BAHCC1: variants seen among roughly 807,000 people sequenced by gnomAD.
The protein encoded by BAHCC1 is BAH and coiled-coil domain-containing protein 1.
Under a neutral mutation model 88.2 loss-of-function variants are expected in BAHCC1, and 43 were observed. The ratio of observed to expected loss-of-function variants is 0.49; its 90% CI spans 0.38 to 0.63. The LOEUF (loss-of-function observed/expected upper bound fraction) is 0.63. Ranked by LOEUF, BAHCC1 falls within the 20% of genes least tolerant of loss-of-function variation. The pLI, the probability that BAHCC1 is intolerant of heterozygous loss-of-function variation, is 0.00. For missense variants in BAHCC1, 3,023 were observed against 1,654.8 expected (o/e 1.83, Z -14.34); for synonymous variants, 1,510 against 745.5 (o/e 2.03, Z -16.71).
In BAHCC1 at chr17:81,445,519, C is replaced by A; in HGVS notation, c.3001C>A (p.Pro1001Thr). The part of the protein sequence containing the change: ...PPCCHPPDPK[P>T]PASSPTPPPR... Reference sequence around the variant, plus strand: ...TTGCTGCCATCCGCCCGACCCAAAGCCCCCCGCCAGCTCCCCCACCCCACC... The same window carrying A: ...TTGCTGCCATCCGCCCGACCCAAAGACCCCCGCCAGCTCCCCCACCCCACC... The change falls in exon 10 of 28, where the codon CCC becomes ACC. Residue 1001 changes from proline (P) to threonine (T), a missense_variant. Coordinates refer to ENST00000675386, the MANE Select transcript of BAHCC1 (RefSeq NM_001377448.1). The A allele has an allele frequency of 1.4e-6, 1 of 733,902 alleles. No individual in the cohort carries two copies. 45.5% of individuals were successfully genotyped at this position (733,902 alleles called of 1,614,324 possible). A position where few individuals can be genotyped will look rare whatever the true frequency, so the allele number is the denominator to read the frequency against.
chr17:81,399,155 G>C lies in BAHCC1; in HGVS notation c.-206-379G>C. On this transcript the variant is annotated intron_variant, in intron 1 of 27. Transcript: ENST00000675386. This position sits in a 1 kb window ranked among gnomAD's most constrained non-coding sequence, Gnocchi z 4.5. Reference sequence around the variant, plus strand: ...TGTGTGTGTGTGTGTGTGTGTGTGCGAGTGTGCGTGATGGCTTCGCAGATT... The same window carrying C: ...TGTGTGTGTGTGTGTGTGTGTGTGCCAGTGTGCGTGATGGCTTCGCAGATT... 1 of 399,246 alleles carries C rather than the reference G, an allele frequency of 2.5e-6. No individual in the cohort carries two copies. The highest frequency in any genetic ancestry group is 1.7e-5 in the South Asian group (1 of 59,314). The allele number at this position is 399,246 out of a possible 1,614,324, so 24.7% of individuals were successfully genotyped here.
intron 3 of BAHCC1, among the ~76,000 whole-genome samples, chr17:81,428,457 A>G (rs1427111072): frequency 5.3e-5 from 8 of 152,180 alleles, no homozygotes; most frequent in African/African-American, 1.9e-4. Context: ...CCACAGGTGC[A>G]CAGATCCACC....
chr17:81,460,241 G>A (rs781845341), intron 23 of BAHCC1, 36 bp from the exon 24 acceptor site: 2 of 733,830 alleles, frequency 2.7e-6, no homozygotes, highest in South Asian at 1.5e-5. Context: ...CGCCTACTGG[G>A]GGTTCCAGCT....
intron 3 of BAHCC1, among the ~76,000 whole-genome samples, chr17:81,432,586 TCCAGCCCTGGACCCAACCTCCGTCC>T (rs1472673596): frequency 5.9e-5 from 1 of 17,000 alleles, no homozygotes; most frequent in Non-Finnish European, 1.1e-4. Context: ...CACCCTCCCC[TCCAGCCCTGGACCCAACCTCCGTCC>T]CCAGCCCTGG....
chr17:81,425,470 T>C (rs1156877249), intron 2 of BAHCC1, among the ~76,000 whole-genome samples: 3 of 68,032 alleles, frequency 4.4e-5, no homozygotes, highest in Non-Finnish European at 8.5e-5. Flanking sequence ...GTGGGTGATG[T>C]GGTTGGTGTG....
In BAHCC1 at chr17:81,456,496, C is replaced by T. The variant is rs1346480149; in HGVS notation, c.4769C>T (p.Ala1590Val). The T allele has an allele frequency of 5.6e-6, 4 of 718,744 alleles. No individual in the cohort carries two copies. Among genetic ancestry groups the T allele is most frequent in the Non-Finnish European group, 1.0e-5 (4 of 386,182 alleles). The allele number at this position is 718,744 out of a possible 1,614,324, so 44.5% of individuals were successfully genotyped here. The change falls in exon 16 of 28, where the codon GCC (alanine) becomes GTC (valine). Residue 1590 changes from alanine to valine, a missense_variant. By Grantham distance (64) the Ala-to-Val change is moderately conservative. Coordinates refer to ENST00000675386, the MANE Select transcript of BAHCC1 (RefSeq NM_001377448.1). ...GCCAAGAGTGCCAAGGTGTCTGGGG[C>T]CACACGGCACCCACAGCCCAAGGGC... ...SRAKSAKVSG[A>V]TRHPQPKGHG...
intron 2 of BAHCC1, among the ~76,000 whole-genome samples, chr17:81,403,859 C>T (rs1555646468): frequency 1.3e-5 from 2 of 152,210 alleles, no homozygotes; most frequent in African/African-American, 4.8e-5. Flanking sequence ...GCCACGCCCG[C>T]CCCGCCGAAG....
rs2064239244 is a variant in BAHCC1 at position 81,429,755 on chromosome 17, C to G, written c.358+2776C>G. ...GCCTGGCCAAGCCAGCTTGCCACCC[C>G]CTCCCCAGCCCAGGGCTTTCGTTGA... On this transcript the variant is annotated intron_variant, in intron 3 of 27. Coordinates refer to ENST00000675386, the MANE Select transcript of BAHCC1 (RefSeq NM_001377448.1). Among the ~76,000 whole-genome samples, 7 of 152,324 alleles carry G rather than the reference C, an allele frequency of 4.6e-5. No individual in the cohort carries two copies. The South Asian group carries it at 1.2e-3, about 27-fold the overall frequency.
intron 15 of BAHCC1, 35 bp from the exon 16 acceptor site, chr17:81,456,262 G>A (rs782363893): frequency 2.2e-5 from 15 of 694,960 alleles, no homozygotes; most frequent in South Asian, 1.6e-4. Flanking sequence ...TGCAGAGGGC[G>A]CCCTGAGAGT....
intron 2 of BAHCC1, among the ~76,000 whole-genome samples, chr17:81,417,824 G>C (rs1292496894): frequency 6.6e-6 from 1 of 152,206 alleles, no homozygotes; most frequent in Non-Finnish European, 1.5e-5. Flanking sequence ...CCCGGGTGAC[G>C]TGCTCCTGTT....
intron 3 of BAHCC1, among the ~76,000 whole-genome samples, chr17:81,428,437 C>A (rs2064225022): frequency 6.6e-6 from 1 of 152,198 alleles, no homozygotes; most frequent in East Asian, 1.9e-4. Context: ...GCTGCCTGGT[C>A]CTGGCCCAGC....
intron 2 of BAHCC1, chr17:81,407,014 C>T (rs2063889286): frequency 2.2e-6 from 1 of 456,066 alleles, no homozygotes; most frequent in Non-Finnish European, 4.4e-6. Flanking sequence ...GCCTTCCCTT[C>T]TCTCCCCTAG....
intron 2 of BAHCC1, among the ~76,000 whole-genome samples, chr17:81,416,256 G>GTA (rs1490643885): frequency 6.7e-6 from 1 of 149,638 alleles, no homozygotes; most frequent in South Asian, 2.1e-4. Flanking sequence ...GTGTGTACGT[G>GTA]TGTGTGTCCA....
chr17:81,436,224 G>A (rs1454660420), intron 3 of BAHCC1, among the ~76,000 whole-genome samples: 3 of 152,178 alleles, frequency 2.0e-5, no homozygotes, highest in African/African-American at 4.8e-5. Context: ...TTTGGTCTTC[G>A]GGCCCTGGCC....
At chr17:81,418,716 G>A (rs782351344) in intron 2 of BAHCC1, among the ~76,000 whole-genome samples, 2 of 152,066 alleles carry the variant, frequency 1.3e-5, no homozygotes, top group Non-Finnish European at 2.9e-5. Flanking sequence ...TCCCATGCCC[G>A]AGAACAGAGT....
rs2063949109 is a variant in BAHCC1 at position 81,411,439 on chromosome 17, G to A, written c.178+11522G>A. The A allele has an allele frequency of 5.6e-6, 2 of 359,954 alleles. No individual in the cohort carries two copies. Among genetic ancestry groups the A allele is most frequent in the Admixed American group, 3.5e-5 (1 of 28,726 alleles). 22.3% of individuals were successfully genotyped at this position (359,954 alleles called of 1,614,324 possible). On this transcript the variant is annotated intron_variant, in intron 2 of 27. Coordinates refer to ENST00000675386, the MANE Select transcript of BAHCC1 (RefSeq NM_001377448.1). This position sits in a 1 kb window ranked among gnomAD's most constrained non-coding sequence, Gnocchi z 6.2. Reference sequence around the variant, plus strand: ...TGATCAGGGAGGGTGGGGTTGGGGGGGAACAGGGTCCTTGAGGTCGTCAGC... The same window carrying A: ...TGATCAGGGAGGGTGGGGTTGGGGGAGAACAGGGTCCTTGAGGTCGTCAGC...
At chr17:81,427,668 A>G (rs2143417889) in intron 3 of BAHCC1, among the ~76,000 whole-genome samples, 1 of 152,236 alleles carries the variant, frequency 6.6e-6, no homozygotes, top group African/African-American at 2.4e-5. Flanking sequence ...CCTTGGGCCC[A>G]CAGTTGCTGG....
Position 81,418,170 on chromosome 17 carries a change from C to T in BAHCC1, c.179-8630C>T, listed in dbSNP as rs151141801. Among the ~76,000 whole-genome samples, 464 of 152,304 alleles carry T rather than the reference C, an allele frequency of 3.0e-3. 3 individuals carry two copies. The highest frequency in any genetic ancestry group is 0.011 in the African/African-American group (442 of 41,578). ...TGTGGAGGGAGCAGTGCTGGACAGACGGACATCTGGTGGCAGCAGGTGTGC... is the reference window on the plus strand; with the variant it reads ...TGTGGAGGGAGCAGTGCTGGACAGATGGACATCTGGTGGCAGCAGGTGTGC... On this transcript the variant is annotated intron_variant, in intron 2 of 27. Coordinates refer to ENST00000675386, the MANE Select transcript of BAHCC1 (RefSeq NM_001377448.1).
Position 81,434,049 on chromosome 17 carries a change from C to T in BAHCC1, c.359-4321C>T, listed in dbSNP as rs2064303655. Among the ~76,000 whole-genome samples, 1 of 152,168 alleles carries T rather than the reference C, an allele frequency of 6.6e-6. No homozygotes were observed. Among genetic ancestry groups the T allele is most frequent in the East Asian group, 1.9e-4 (1 of 5,198 alleles). ...AGAACCTCAAGAGGAGCAGGGACCA[C>T]TTGCCAGGCCAGGGGTCTCCCGGGA... On this transcript the variant is annotated intron_variant, in intron 3 of 27. Coordinates refer to ENST00000675386, the MANE Select transcript of BAHCC1 (RefSeq NM_001377448.1). This position sits in a 1 kb window ranked among gnomAD's most constrained non-coding sequence, Gnocchi z 4.9.
Sources: gnomAD v4.1 joint callset for allele counts (sites outside exome capture counted in the v4.1 genomes callset) on GRCh38, gnomAD v4.1.1 for gene constraint, Gnocchi (gnomAD v3.1) non-coding constraint, MANE v1.5 for transcripts, NCBI Gene and HGNC (gene_info 2026-07-23, HGNC 2026-07-21) for gene names.